The following SHC3 variants were observed in gnomAD, a reference collection of about 807,000 sequenced individuals.
The protein encoded by SHC3 is SHC-transforming protein 3.
SHC3 carries 15 observed loss-of-function variants against 60.4 expected under a neutral mutation model. That is an observed-to-expected ratio of 0.25 (90% CI 0.17 to 0.38). The LOEUF (loss-of-function observed/expected upper bound fraction) is 0.38. SHC3 is among the 10% of genes least tolerant of loss of function. SHC3 has a pLI of 1.00. For synonymous variants in SHC3, 294 were observed against 325.9 expected, an observed-to-expected ratio of 0.90 and a Z score of 1.05; for missense variants, 677 against 786.1, an observed-to-expected ratio of 0.86 and a Z score of 1.66.
chr9:89,148,536 G>A (rs1043924092), intron 1 of SHC3, among the ~76,000 whole-genome samples: 1 of 152,144 alleles, frequency 6.6e-6, no homozygotes, highest in African/African-American at 2.4e-5. Context: ...AGAGCAATAC[G>A]CTGAAAAGGA....
At chr9:89,126,448 G>T (rs977959519) in intron 1 of SHC3, among the ~76,000 whole-genome samples, 4 of 152,178 alleles carry the variant, frequency 2.6e-5, no homozygotes, top group Non-Finnish European at 4.4e-5. Flanking sequence ...ACTCTTTGCT[G>T]ATGGCTTAGG....
intron 6 of SHC3, among the ~76,000 whole-genome samples, chr9:89,059,113 G>C (rs1825013229): frequency 6.8e-6 from 1 of 147,300 alleles, no homozygotes. Context: ...GATGGTGGTG[G>C]AGGATGTGGT....
intron 11 of SHC3, among the ~76,000 whole-genome samples, chr9:89,016,883 C>T (rs961078076): frequency 6.6e-6 from 1 of 152,058 alleles, no homozygotes; most frequent in Non-Finnish European, 1.5e-5. Context: ...TTGCTTTTAT[C>T]CATCATGTTA....
At chr9:89,152,140 A>C (rs1431552942) in intron 1 of SHC3, among the ~76,000 whole-genome samples, 1 of 152,204 alleles carries the variant, frequency 6.6e-6, no homozygotes, top group Non-Finnish European at 1.5e-5. Flanking sequence ...ATTAGAGTTA[A>C]AGATATGGGA....
At chr9:89,162,986 T>C (rs572819454) in intron 1 of SHC3, among the ~76,000 whole-genome samples, 33 of 136,140 alleles carry the variant, frequency 2.4e-4, no homozygotes, top group African/African-American at 8.4e-4. Context: ...AAAAAACACA[T>C]GAAAAAATGC....
intron 1 of SHC3, among the ~76,000 whole-genome samples, chr9:89,129,876 C>T (rs570107696): frequency 2.0e-5 from 3 of 152,136 alleles, no homozygotes; most frequent in African/African-American, 4.8e-5. Flanking sequence ...CAGCTAACAT[C>T]GTAGTGACAG....
intron 11 of SHC3, among the ~76,000 whole-genome samples, chr9:89,013,834 C>T (rs978310087): frequency 3.3e-5 from 5 of 152,166 alleles, no homozygotes; most frequent in African/African-American, 7.2e-5. Flanking sequence ...CTGGAATGTC[C>T]CAGCCCACTG....
rs553117880 is a variant in SHC3 at position 89,162,942 on chromosome 9, C to G, written c.474+15045G>C. 5.8e-3 allele frequency among the ~76,000 whole-genome samples: 798 copies of G among 137,122 alleles called. 4 individuals are homozygous for G. The highest frequency in any genetic ancestry group is 0.022 in the Middle Eastern group (6 of 274). The allele number at this position is 137,122 out of a possible 152,430, so 90.0% of individuals were successfully genotyped here. On this transcript the variant is annotated intron_variant, in intron 1 of 11. Coordinates refer to ENST00000375835, the MANE Select transcript of SHC3 (RefSeq NM_016848.6). Reference sequence around the variant, plus strand: ...TCAAAAAGTGGGCGAAGGACATGAACAGACACTTCTCAAAAGAAGACATTT... The same window carrying G: ...TCAAAAAGTGGGCGAAGGACATGAAGAGACACTTCTCAAAAGAAGACATTT...
chr9:89,178,117 G>A lies in SHC3; in HGVS notation c.344C>T (p.Ala115Val). Residue 115 changes from alanine (A) to valine (V), a missense_variant, in exon 1 of 12, where the codon GCG becomes GTG. Coordinates refer to ENST00000375835, the MANE Select transcript of SHC3 (RefSeq NM_016848.6). This position sits in a 1 kb window ranked among gnomAD's most constrained non-coding sequence, Gnocchi z 6.9. ...GGCGCTCATGGCCGGGGCGCGGGGC[G>A]CCGAGGGCGCACTGCCGTCCGGGGC... ...LAAPDGSAPS[A>V]PRAPAMSAAR... 2 of 1,157,880 alleles carry A rather than the reference G, an allele frequency of 1.7e-6. No individual in the cohort carries two copies. The highest frequency in any genetic ancestry group is 4.7e-5 in the Admixed American group (1 of 21,132). The allele number at this position is 1,157,880 out of a possible 1,614,324, so 71.7% of individuals were successfully genotyped here. A position where few individuals can be genotyped will look rare whatever the true frequency, so the allele number is the denominator to read the frequency against.
chr9:89,042,931 T>C (rs1226854285), intron 9 of SHC3, among the ~76,000 whole-genome samples: 1 of 151,960 alleles, frequency 6.6e-6, no homozygotes, highest in East Asian at 1.9e-4. Context: ...GGCTGTTCTG[T>C]CACCCAGACC....
At position 89,051,588 on chromosome 9, in the gene SHC3, C is replaced by T. The variant is rs144400629; in HGVS notation, c.962+449G>A. Among the ~76,000 whole-genome samples the T allele has an allele frequency of 3.9e-5, 6 of 152,318 alleles. No individual in the cohort carries two copies. In the East Asian group the frequency reaches 7.7e-4, roughly 20 times the overall value. ...CAAGCTGTTAAGCTGCAAAGGCCAG[C>T]GAAGCCGAAACTATGCCGGTAGCCA... On this transcript the variant is annotated intron_variant, in intron 7 of 11. Coordinates refer to ENST00000375835, the MANE Select transcript of SHC3 (RefSeq NM_016848.6).
At chr9:89,146,026 T>C (rs1296353829) in intron 1 of SHC3, among the ~76,000 whole-genome samples, 1 of 152,182 alleles carries the variant, frequency 6.6e-6, no homozygotes, top group Non-Finnish European at 1.5e-5. Context: ...GGAAAATGAA[T>C]TTTGAACTTG....
chr9:89,037,110 A>G (rs1473318819), intron 11 of SHC3, among the ~76,000 whole-genome samples: 6 of 152,184 alleles, frequency 3.9e-5, no homozygotes, highest in Admixed American at 3.3e-4. Context: ...GGAATTGTTC[A>G]GAGTGCCAGG....
chr9:89,058,164 A>G (rs1053544359), intron 6 of SHC3, among the ~76,000 whole-genome samples: 1 of 152,134 alleles, frequency 6.6e-6, no homozygotes, highest in African/African-American at 2.4e-5. Flanking sequence ...GCCCTAGGAA[A>G]TGAACACAGC....
chr9:89,042,804 C>T (rs1227949391), intron 9 of SHC3, among the ~76,000 whole-genome samples: 1 of 152,046 alleles, frequency 6.6e-6, no homozygotes, highest in Admixed American at 6.5e-5. Context: ...TCACAGCTAG[C>T]CAATGGGTGT....
intron 6 of SHC3, among the ~76,000 whole-genome samples, chr9:89,054,399 G>A (rs1367967157): frequency 6.6e-6 from 1 of 152,204 alleles, no homozygotes; most frequent in East Asian, 1.9e-4. Context: ...TGTTGCTTTG[G>A]TCTGAGGATT....
At chr9:89,095,777 T>A (rs968381146) in intron 2 of SHC3, among the ~76,000 whole-genome samples, 1 of 152,178 alleles carries the variant, frequency 6.6e-6, no homozygotes, top group Admixed American at 6.5e-5. Context: ...ACTTTCATAT[T>A]GATTTTCCTC....
intron 2 of SHC3, among the ~76,000 whole-genome samples, chr9:89,092,263 G>T (rs548532607): frequency 4.7e-4 from 72 of 152,226 alleles, no homozygotes; most frequent in Admixed American, 2.0e-3. Context: ...CCTAGCAAAA[G>T]AAAGCAAAAC....
chr9:89,116,231 G>A (rs183333916), intron 1 of SHC3, among the ~76,000 whole-genome samples: 52 of 152,184 alleles, frequency 3.4e-4, no homozygotes, highest in Non-Finnish European at 4.1e-4. Context: ...CACCAACAAC[G>A]TCACCATGTT....
Sources: gnomAD v4.1 joint callset for allele counts (sites outside exome capture counted in the v4.1 genomes callset) on GRCh38, gnomAD v4.1.1 for gene constraint, Gnocchi (gnomAD v3.1) non-coding constraint, MANE v1.5 for transcripts, NCBI Gene and HGNC (gene_info 2026-07-23, HGNC 2026-07-21) for gene names.